Variants in THSD7A observed in about 807,000 individuals in gnomAD.
The protein encoded by THSD7A is thrombospondin type 1 domain containing 7A.
In THSD7A, 96 loss-of-function variants were observed where a neutral mutation model predicts 231.3. The observed-to-expected ratio is 0.41, with a 90% CI of 0.35 to 0.49. THSD7A has a LOEUF of 0.49. Ranked by LOEUF, THSD7A falls within the 20% of genes least tolerant of loss-of-function variation. The pLI, the probability that THSD7A is intolerant of heterozygous loss-of-function variation, is 0.05. For missense variants in THSD7A, 2,290 were observed against 2,070.2 expected, an observed-to-expected ratio of 1.11 and a Z score of -2.06; for synonymous variants, 940 against 743.3, an observed-to-expected ratio of 1.26 and a Z score of -4.30.
chr7:11,695,688 C>A (rs575556546), intron 1 of THSD7A, among the ~76,000 whole-genome samples: 28 of 151,390 alleles, frequency 1.8e-4, no homozygotes, highest in African/African-American at 6.8e-4. Flanking sequence ...AGTAATTGGT[C>A]CAAAGATAGT....
intron 4 of THSD7A, among the ~76,000 whole-genome samples, chr7:11,549,125 C>G (rs374299959): frequency 6.6e-6 from 1 of 151,988 alleles, no homozygotes; most frequent in Non-Finnish European, 1.5e-5. Flanking sequence ...ACTCATGCAG[C>G]CAACAAACAT....
At position 11,424,843 on chromosome 7, in the gene THSD7A, G is replaced by C. The variant is rs777725451; in HGVS notation, c.3250-14C>G. ...AACCTCATACACCTGAAACACACAT[G>C]GTTCTCAGCAATCTCAGGGAATCTG... On this transcript the variant is annotated splice_polypyrimidine_tract_variant and intron_variant, in intron 15 of 27. Transcript: ENST00000423059. The C allele has an allele frequency of 1.9e-5, 30 of 1,613,452 alleles. No individual in the cohort carries two copies. The East Asian group carries it at 6.5e-4, about 35-fold the overall frequency.
At chr7:11,552,693 C>T (rs1315182340) in intron 4 of THSD7A, among the ~76,000 whole-genome samples, 1 of 152,022 alleles carries the variant, frequency 6.6e-6, no homozygotes, top group African/African-American at 2.4e-5. Flanking sequence ...GTAGTTGTGC[C>T]AATCATGTTT....
intron 13 of THSD7A, among the ~76,000 whole-genome samples, chr7:11,435,884 G>T (rs1784618504): frequency 1.3e-5 from 2 of 151,944 alleles, no homozygotes; most frequent in South Asian, 4.1e-4. Flanking sequence ...GAAGTGAGAG[G>T]AGTCTTGTGG....
At chr7:11,771,622 T>C (rs1300421108) in intron 1 of THSD7A, among the ~76,000 whole-genome samples, 1 of 151,870 alleles carries the variant, frequency 6.6e-6, no homozygotes, top group East Asian at 1.9e-4. Flanking sequence ...GAGTAAATAG[T>C]AATTGTAAAG....
intron 1 of THSD7A, among the ~76,000 whole-genome samples, chr7:11,640,998 C>T (rs551275970): frequency 1.3e-5 from 2 of 152,002 alleles, no homozygotes; most frequent in Non-Finnish European, 2.9e-5. Context: ...CAATGTTGAT[C>T]CCACTACAGA....
chr7:11,711,085 T>G (rs991420117), intron 1 of THSD7A, among the ~76,000 whole-genome samples: 9 of 150,962 alleles, frequency 6.0e-5, no homozygotes, highest in African/African-American at 2.2e-4. Context: ...TTCCTGATAG[T>G]GTCTTCTTTT....
chr7:11,616,019 A>G (rs767856642), intron 2 of THSD7A, among the ~76,000 whole-genome samples: 61 of 152,302 alleles, frequency 4.0e-4, no homozygotes, highest in Non-Finnish European at 6.9e-4. Flanking sequence ...AAAAACAATT[A>G]TGTCACCAAA....
At chr7:11,492,837 C>G (rs16876850) in intron 6 of THSD7A, among the ~76,000 whole-genome samples, 49,845 of 151,960 alleles carry the variant, frequency 0.33, 8,292 homozygotes, top group Middle Eastern at 0.37. Context: ...AACACAAAAA[C>G]TTTGAACCGT....
chr7:11,765,943 G>T (rs1259224180), intron 1 of THSD7A, among the ~76,000 whole-genome samples: 1 of 152,070 alleles, frequency 6.6e-6, no homozygotes, highest in East Asian at 1.9e-4. Context: ...TTTTTATCCT[G>T]TACACAAATC....
chr7:11,689,658 G>C (rs1262385019), intron 1 of THSD7A, among the ~76,000 whole-genome samples: 1 of 151,436 alleles, frequency 6.6e-6, no homozygotes, highest in Non-Finnish European at 1.5e-5. Context: ...CCATTCCCAG[G>C]TGCAATTCTC....
chr7:11,583,988 A>C lies in THSD7A; in HGVS notation c.1453+6472T>G, dbSNP rs533205507. 3.9e-5 allele frequency among the ~76,000 whole-genome samples: 6 copies of C among 152,258 alleles called. No homozygotes were observed. The South Asian group carries it at 1.2e-3, about 32-fold the overall frequency. On this transcript the variant is annotated intron_variant, in intron 4 of 27. Transcript: ENST00000423059. ...GTCATCTCCCTCTACAGGTAAGTTG[A>C]GTTTCTCTACTTACTTGATTATCCT...
Position 11,590,186 on chromosome 7 carries a change from T to C in THSD7A, c.1453+274A>G, listed in dbSNP as rs1584038899. On this transcript the variant is annotated intron_variant, in intron 4 of 27. Coordinates refer to ENST00000423059, the MANE Select transcript of THSD7A (RefSeq NM_015204.3). The surrounding 1 kb of genome is among the most constrained non-coding windows in gnomAD (Gnocchi z 4.4). The stretch of plus-strand genomic sequence containing the variant: ...TTTCGTCTAGTTTTTACATTATTCC[T>C]GCTAAACTTTGATGAAGAGGTTGAG... 1.3e-5 allele frequency among the ~76,000 whole-genome samples: 2 copies of C among 152,358 alleles called. No homozygotes were observed. The highest frequency in any genetic ancestry group is 3.9e-4 in the East Asian group (2 of 5,184).
intron 23 of THSD7A, among the ~76,000 whole-genome samples, chr7:11,389,463 T>C (rs1583653771): frequency 2.0e-5 from 2 of 98,258 alleles, no homozygotes; most frequent in Non-Finnish European, 4.0e-5. Context: ...TTTTTTTTGC[T>C]ATTTGCTTGG....
At chr7:11,724,920 C>G (rs1472986117) in intron 1 of THSD7A, among the ~76,000 whole-genome samples, 7 of 151,668 alleles carry the variant, frequency 4.6e-5, no homozygotes, top group Non-Finnish European at 8.8e-5. Flanking sequence ...GGGAACTAAC[C>G]TCATCTCTTC....
chr7:11,417,511 T>G lies in THSD7A; in HGVS notation c.3476A>C (p.Lys1159Thr), dbSNP rs1267257914. 6.2e-7 allele frequency: 1 copy of G among 1,613,610 alleles called. No individual in the cohort carries two copies. The highest frequency in any genetic ancestry group is 2.2e-5 in the East Asian group (1 of 44,884). Residue 1159 changes from lysine to threonine, a missense_variant, in exon 17 of 28, where the codon AAA becomes ACA. By Grantham distance (78) the Lys-to-Thr change is moderately conservative (BLOSUM62 -1). Coordinates refer to ENST00000423059, the MANE Select transcript of THSD7A (RefSeq NM_015204.3). ...CACACAGTCCTCAGGGCATGGTAATTTGCACACTCTAGAGCCCAGGGGCAT... is the reference window on the plus strand; with the variant it reads ...CACACAGTCCTCAGGGCATGGTAATGTGCACACTCTAGAGCCCAGGGGCAT... ...EEMPLGSRVC[K>T]LPCPEDCVIS... is the part of the protein sequence containing the mutation.
intron 1 of THSD7A, among the ~76,000 whole-genome samples, chr7:11,802,318 T>G (rs977027313): frequency 6.6e-6 from 1 of 152,184 alleles, no homozygotes; most frequent in African/African-American, 2.4e-5. Flanking sequence ...TAAAATCTTT[T>G]GGTGTAAGGA....
intron 1 of THSD7A, among the ~76,000 whole-genome samples, chr7:11,775,558 G>A (rs2128172890): frequency 6.6e-6 from 1 of 152,254 alleles, no homozygotes; most frequent in Non-Finnish European, 1.5e-5. Context: ...TGGACATTAT[G>A]CTAAGTGAAA....
chr7:11,710,241 T>C (rs1286331683), intron 1 of THSD7A, among the ~76,000 whole-genome samples: 1 of 147,916 alleles, frequency 6.8e-6, no homozygotes, highest in Admixed American at 6.8e-5. Flanking sequence ...AATCAGTGCA[T>C]CAAGGATAAA....
Sources: allele counts gnomAD v4.1 joint callset (sites outside exome capture counted in the v4.1 genomes callset), GRCh38; gene constraint gnomAD v4.1.1; non-coding constraint Gnocchi (gnomAD v3.1); transcripts MANE v1.5; gene names NCBI Gene and HGNC (gene_info 2026-07-23, HGNC 2026-07-21).